The following ALPK1 variants were observed in gnomAD, a reference collection of about 807,000 sequenced individuals.
ALPK1 encodes alpha kinase 1, also known as alpha-protein kinase 1.
ALPK1 carries 110 observed loss-of-function variants against 120.6 expected under a neutral mutation model. The observed-to-expected ratio is 0.91, with a 90% CI of 0.78 to 1.07. The LOEUF (loss-of-function observed/expected upper bound fraction) is 1.07. Ranked by LOEUF, ALPK1 falls within the 50% of genes least tolerant of loss-of-function variation. The pLI is 0.00. For missense variants in ALPK1, 1,498 were observed against 1,483.9 expected (o/e 1.01, Z -0.16); for synonymous variants, 582 against 560.3 (o/e 1.04, Z -0.55).
intron 2 of ALPK1, among the ~76,000 whole-genome samples, chr4:112,354,841 A>C (rs988775390): frequency 6.6e-6 from 1 of 152,328 alleles, no homozygotes; most frequent in African/African-American, 2.4e-5. Flanking sequence ...AATTATTGAC[A>C]TTTGGTATAA....
At chr4:112,309,542 C>T (rs896102487) in intron 1 of ALPK1, among the ~76,000 whole-genome samples, 2 of 152,216 alleles carry the variant, frequency 1.3e-5, no homozygotes, top group South Asian at 4.1e-4. Context: ...TGGGACCCTC[C>T]GAGCCAGGCG....
intron 4 of ALPK1, among the ~76,000 whole-genome samples, chr4:112,399,580 T>C (rs540892950): frequency 1.3e-5 from 2 of 152,270 alleles, no homozygotes; most frequent in African/African-American, 4.8e-5. Context: ...GGATTGTTTT[T>C]CTCTCTTTTT....
chr4:112,367,460 CA>C (rs1731210459), intron 2 of ALPK1, among the ~76,000 whole-genome samples: 1 of 151,708 alleles, frequency 6.6e-6, no homozygotes, highest in African/African-American at 2.4e-5. Context: ...CAAAAAATAT[CA>C]AAAAATAATA....
chr4:112,412,739 A>G (rs943239042), intron 5 of ALPK1, among the ~76,000 whole-genome samples: 72 of 152,228 alleles, frequency 4.7e-4, no homozygotes, highest in Non-Finnish European at 1.0e-3. Context: ...CTGAAAAAGT[A>G]AAGGATGAAA....
At chr4:112,305,982 C>T (rs1728032950) in intron 1 of ALPK1, among the ~76,000 whole-genome samples, 1 of 151,982 alleles carries the variant, frequency 6.6e-6, no homozygotes, top group South Asian at 2.1e-4. Context: ...TTGTCAAAGG[C>T]CTTTTCTGCA....
intron 2 of ALPK1, among the ~76,000 whole-genome samples, chr4:112,321,602 C>A (rs1728868693): frequency 6.6e-6 from 1 of 152,126 alleles, no homozygotes; most frequent in Non-Finnish European, 1.5e-5. Flanking sequence ...TTATTGTTGA[C>A]CCAACAATCA....
At chr4:112,356,389 C>T in intron 2 of ALPK1, 1 of 838,766 alleles carries the variant, frequency 1.2e-6, no homozygotes, top group Non-Finnish European at 2.1e-6. Context: ...AGGCCTTTGT[C>T]ATCCTGGGGC....
chr4:112,374,062 C>T (rs1365951746), intron 2 of ALPK1, among the ~76,000 whole-genome samples: 1 of 152,204 alleles, frequency 6.6e-6, no homozygotes, highest in Non-Finnish European at 1.5e-5. Flanking sequence ...TGGATTGAGT[C>T]ATCCTTTTCC....
chr4:112,333,457 A>G (rs891609033), intron 2 of ALPK1, among the ~76,000 whole-genome samples: 2 of 152,212 alleles, frequency 1.3e-5, no homozygotes, highest in Admixed American at 1.3e-4. Context: ...GATCCATTCT[A>G]ATATTTCTAT....
intron 4 of ALPK1, among the ~76,000 whole-genome samples, chr4:112,388,491 G>A (rs11728213): frequency 0.35 from 53,358 of 152,026 alleles, 9,474 homozygotes; most frequent in East Asian, 0.53. Flanking sequence ...ATTTATTCCA[G>A]GTGCCGGTTT....
chr4:112,420,690 A>G (rs921850786), intron 5 of ALPK1, among the ~76,000 whole-genome samples: 2 of 152,204 alleles, frequency 1.3e-5, no homozygotes, highest in Non-Finnish European at 2.9e-5. Flanking sequence ...ATATATCCCA[A>G]GTCTTCCTGA....
At chr4:112,305,319 G>A (rs1281415030) in intron 1 of ALPK1, among the ~76,000 whole-genome samples, 4 of 151,872 alleles carry the variant, frequency 2.6e-5, no homozygotes, top group Non-Finnish European at 5.9e-5. Context: ...GGATGGCATT[G>A]AATCTATAAA....
chr4:112,359,402 G>A (rs980341811), intron 2 of ALPK1: 13 of 317,022 alleles, frequency 4.1e-5, no homozygotes, highest in African/African-American at 1.1e-4. Flanking sequence ...TGACCACTGC[G>A]AAGCCTGAGA....
At chr4:112,304,800 T>C (rs1042916810) in intron 1 of ALPK1, among the ~76,000 whole-genome samples, 27 of 152,100 alleles carry the variant, frequency 1.8e-4, no homozygotes, top group Non-Finnish European at 7.3e-5. Context: ...TTGCTTTTGG[T>C]GTTTTAGACA....
At chr4:112,367,478 A>G (rs1256857875) in intron 2 of ALPK1, among the ~76,000 whole-genome samples, 1 of 152,228 alleles carries the variant, frequency 6.6e-6, no homozygotes, top group Non-Finnish European at 1.5e-5. Flanking sequence ...AATACAAATT[A>G]AAAATACAGC....
rs746351025 is a variant in ALPK1 at position 112,411,996 on chromosome 4, TTCGCCAAGCCCGAA to T, written c.449_462del (p.Arg150LeufsTer32). On this transcript the variant is annotated frameshift_variant, in exon 5 of 16. Transcript: ENST00000650871. LOFTEE classifies it high-confidence loss of function. The stretch of plus-strand genomic sequence containing the variant: ...ACGCCAATTGCCCCGCAGGTGGTTA[TTCGCCAAGCCCGAA>T]TCTCCGTGAACTCAGGTATGCTCCC... 2 of 1,614,038 alleles carry T rather than the reference TTCGCCAAGCCCGAA, an allele frequency of 1.2e-6. No homozygotes were observed. The highest frequency in any genetic ancestry group is 2.7e-5 in the African/African-American group (2 of 74,940).
intron 2 of ALPK1, among the ~76,000 whole-genome samples, chr4:112,368,502 G>A (rs1731253997): frequency 6.6e-6 from 1 of 152,014 alleles, no homozygotes; most frequent in Non-Finnish European, 1.5e-5. Context: ...TATGTATTTT[G>A]TGACATTTGA....
chr4:112,328,389 A>G (rs1330932230), intron 2 of ALPK1, among the ~76,000 whole-genome samples: 2 of 152,280 alleles, frequency 1.3e-5, no homozygotes, highest in Admixed American at 6.5e-5. Flanking sequence ...GGCAGGGTAC[A>G]GAAATGCATA....
chr4:112,329,274 A>G (rs1729255220), intron 2 of ALPK1, among the ~76,000 whole-genome samples: 1 of 152,226 alleles, frequency 6.6e-6, no homozygotes, highest in South Asian at 2.1e-4. Context: ...CCTAAACAAT[A>G]GAAAAAGAGA....
Sources: gnomAD v4.1 joint callset for allele counts (sites outside exome capture counted in the v4.1 genomes callset) on GRCh38, gnomAD v4.1.1 for gene constraint, MANE v1.5 for transcripts, NCBI Gene and HGNC (gene_info 2026-07-23, HGNC 2026-07-21) for gene names.